The following TEX38 variants were observed in gnomAD, a reference collection of about 807,000 sequenced individuals.
TEX38 encodes testis expressed 38, also known as testis-expressed protein 38.
TEX38 carries 5 observed loss-of-function variants against 2.7 expected under a neutral mutation model. That is an observed-to-expected ratio of 1.86 (90% CI 0.97 to 3.90). The LOEUF (loss-of-function observed/expected upper bound fraction) is 3.90, where lower values mean the gene tolerates loss of function less well. Among genes scored for constraint, TEX38 ranks in the 30% most tolerant of loss-of-function variants. TEX38 has a pLI of 0.00. For missense variants in TEX38, 218 were observed against 247.9 expected, an observed-to-expected ratio of 0.88 and a Z score of 0.81; for synonymous variants, 110 against 103.3, an observed-to-expected ratio of 1.06 and a Z score of -0.39.
Position 46,671,953 on chromosome 1 carries a change from G to T in TEX38, c.19G>T (p.Asp7Tyr). MDSQQE[D>Y]LRFPGMWVSL... ...CAGCTGTATGGATTCCCAACAGGAG[G>T]ACCTGCGCTTCCCTGGGAGTAAGTG... Residue 7 changes from aspartate (D) to tyrosine (Y), a missense_variant, in exon 1 of 2, where the codon GAC becomes TAC. Transcript: ENST00000334122. 6.5e-7 allele frequency: 1 copy of T among 1,545,326 alleles called. No homozygotes were observed. The highest frequency in any genetic ancestry group is 8.7e-7 in the Non-Finnish European group (1 of 1,143,258).
At chr1:46,672,017 T>G in intron 1 of TEX38, 46 bp downstream of exon 1, 1 of 1,483,788 alleles carries the variant, frequency 6.7e-7, no homozygotes, top group Non-Finnish European at 9.0e-7. Context: ...GCCTTAGGGC[T>G]TGGGGACAAA....
In TEX38 at chr1:46,673,264, C is replaced by A. The variant is rs1038104626; in HGVS notation, c.429C>A (p.Ser143=). The A allele has an allele frequency of 1.7e-5, 26 of 1,551,426 alleles. No individual in the cohort carries two copies. The highest frequency in any genetic ancestry group is 2.7e-5 in the African/African-American group (2 of 73,054). Reference sequence around the variant, plus strand: ...CTCCACAGCAGCCCCAGGCCAGATCCCCATTCCCACTTCCCATCTTTCAGG... The same window carrying A: ...CTCCACAGCAGCCCCAGGCCAGATCACCATTCCCACTTCCCATCTTTCAGG... ...QLAPQQPQAR[S]PFPLPIFQEV... Residue 143 remains serine, a synonymous_variant, in exon 2 of 2, where the codon TCC becomes TCA. Coordinates refer to ENST00000334122, the MANE Select transcript of TEX38 (RefSeq NM_001145474.4).
Position 46,671,857 on chromosome 1 carries a change from T to A in TEX38, c.-78T>A. On this transcript the variant is annotated 5_prime_UTR_variant, in exon 1 of 2. An upstream start codon of the reference 5' UTR is lost. Coordinates refer to ENST00000334122, the MANE Select transcript of TEX38 (RefSeq NM_001145474.4). ...TGGAGACTCTGATTGGCTGGGCAGATGGGCTGACTGGCTGGGCAGATGGGT... is the reference window on the plus strand; with the variant it reads ...TGGAGACTCTGATTGGCTGGGCAGAAGGGCTGACTGGCTGGGCAGATGGGT... The A allele has an allele frequency of 6.9e-7, 1 of 1,452,412 alleles. No individual in the cohort carries two copies. The highest frequency in any genetic ancestry group is 1.4e-5 in the African/African-American group (1 of 71,202). 90.0% of individuals were successfully genotyped at this position (1,452,412 alleles called of 1,614,324 possible).
chr1:46,671,949 G>A lies in TEX38; in HGVS notation c.15G>A (p.Gln5=). Residue 5 remains glutamine, a synonymous_variant, in exon 1 of 2, where the codon CAG becomes CAA. Coordinates refer to ENST00000334122, the MANE Select transcript of TEX38 (RefSeq NM_001145474.4). MDSQ[Q]EDLRFPGMWV... ...AGCTCAGCTGTATGGATTCCCAACA[G>A]GAGGACCTGCGCTTCCCTGGGAGTA... 6.5e-7 allele frequency: 1 copy of A among 1,547,338 alleles called. No individual in the cohort carries two copies. Among genetic ancestry groups the A allele is most frequent in the South Asian group, 1.2e-5 (1 of 83,486 alleles).
At position 46,673,321 on chromosome 1, in the gene TEX38, A is replaced by G. The variant is rs1676626314; in HGVS notation, c.486A>G (p.Leu162=). Residue 162 remains leucine, a synonymous_variant, in exon 2 of 2, where the codon CTA becomes CTG. Transcript: ENST00000334122. The part of the protein sequence containing the change: ...EVPFAPPLCN[L]PPLLNHSVSY... ...CCTTTGCCCCACCCTTGTGCAACCT[A>G]CCCCCCCTGCTGAACCACTCTGTCT... is the stretch of plus-strand genomic sequence containing the variant. 10 of 1,549,988 alleles carry G rather than the reference A, an allele frequency of 6.5e-6. No individual in the cohort carries two copies. The East Asian group carries it at 2.4e-4, about 38-fold the overall frequency.
At position 46,673,138 on chromosome 1, in the gene TEX38, T is replaced by G. The variant is rs1217141371; in HGVS notation, c.303T>G (p.Val101=). ...AGACTGAGGTCCAGAATCCAGATGTTCTGTGGGATTTGGACATCCCCGAAG... is the reference window on the plus strand; with the variant it reads ...AGACTGAGGTCCAGAATCCAGATGTGCTGTGGGATTTGGACATCCCCGAAG... ...KTETEVQNPD[V]LWDLDIPEGR... The change falls in exon 2 of 2, where the codon GTT becomes GTG. Residue 101 remains valine, a synonymous_variant. Transcript: ENST00000334122. The G allele has an allele frequency of 6.4e-7, 1 of 1,551,568 alleles. No homozygotes were observed. Among genetic ancestry groups the G allele is most frequent in the African/African-American group, 1.4e-5 (1 of 73,048 alleles).
chr1:46,669,933 G>T (rs750921035), upstream of TEX38, among the ~76,000 whole-genome samples: 7 of 152,208 alleles, frequency 4.6e-5, no homozygotes, highest in Non-Finnish European at 1.0e-4. Flanking sequence ...AATGAGATCG[G>T]AAGTTACTAT....
upstream of TEX38, among the ~76,000 whole-genome samples, chr1:46,670,707 A>T (rs1321429995): frequency 2.0e-5 from 3 of 152,174 alleles, no homozygotes; most frequent in African/African-American, 7.2e-5. Context: ...GGGGCCAGTG[A>T]TATACGAGGA....
At chr1:46,670,986 T>C (rs1676573555), upstream of TEX38, among the ~76,000 whole-genome samples, 1 of 152,092 alleles carries the variant, frequency 6.6e-6, no homozygotes, top group Admixed American at 6.5e-5. Flanking sequence ...TTAGTTGCTG[T>C]GTGGGGAAAA....
chr1:46,669,048 C>G (rs1172882224), upstream of TEX38: 1 of 188,744 alleles, frequency 5.3e-6, no homozygotes, highest in Non-Finnish European at 1.1e-5. Context: ...CTTTTTGACC[C>G]CTGGAATCCT....
Position 46,673,029 on chromosome 1 carries a change from T to G in TEX38, c.194T>G (p.Leu65Trp), listed in dbSNP as rs747915007. Residue 65 changes from leucine (L) to tryptophan (W), a missense_variant, in exon 2 of 2, where the codon TTG becomes TGG. Coordinates refer to ENST00000334122, the MANE Select transcript of TEX38 (RefSeq NM_001145474.4). The part of the protein sequence containing the change: ...MRAATFTYSP[L>W]LYWINKRRRY... ...GCTGCCACATTCACCTACAGCCCATTGTTGTACTGGATTAACAAGCGACGG... is the reference window on the plus strand; with the variant it reads ...GCTGCCACATTCACCTACAGCCCATGGTTGTACTGGATTAACAAGCGACGG... The G allele has an allele frequency of 2.9e-5, 45 of 1,551,616 alleles. 1 individual carries two copies. The highest frequency in any genetic ancestry group is 3.9e-5 in the Non-Finnish European group (45 of 1,146,942).
In TEX38 at chr1:46,672,880, C is replaced by A. The variant is rs1366903180; in HGVS notation, c.45C>A (p.Val15=). 2 of 1,550,106 alleles carry A rather than the reference C, an allele frequency of 1.3e-6. No individual in the cohort carries two copies. Among genetic ancestry groups the A allele is most frequent in the Non-Finnish European group, 1.7e-6 (2 of 1,146,024 alleles). The change falls in exon 2 of 2, where the codon GTC becomes GTA. Residue 15 remains valine (V), a synonymous_variant. Transcript: ENST00000334122. Reference sequence around the variant, plus strand: ...TCTTTCTTGCTGCCTTAGTGTGGGTCTCATTGTACTTTGGAATCCTGGGGC... The same window carrying A: ...TCTTTCTTGCTGCCTTAGTGTGGGTATCATTGTACTTTGGAATCCTGGGGC... ...QEDLRFPGMW[V]SLYFGILGLC... is the part of the protein sequence containing the mutation.
chr1:46,673,263 C>T lies in TEX38; in HGVS notation c.428C>T (p.Ser143Phe), dbSNP rs139847766. The T allele has an allele frequency of 6.8e-3, 10,497 of 1,551,398 alleles. 96 individuals carry two copies. The highest frequency in any genetic ancestry group is 0.023 in the South Asian group (1,924 of 83,992). Reference sequence around the variant, plus strand: ...GCTCCACAGCAGCCCCAGGCCAGATCCCCATTCCCACTTCCCATCTTTCAG... The same window carrying T: ...GCTCCACAGCAGCCCCAGGCCAGATTCCCATTCCCACTTCCCATCTTTCAG... ...QLAPQQPQAR[S>F]PFPLPIFQEV... Residue 143 changes from serine to phenylalanine, a missense_variant, in exon 2 of 2, where the codon TCC (serine) becomes TTC (phenylalanine). Coordinates refer to ENST00000334122, the MANE Select transcript of TEX38 (RefSeq NM_001145474.4).
Position 46,672,948 on chromosome 1 carries a change from G to A in TEX38, c.113G>A (p.Trp38Ter), listed in dbSNP as rs926101133. The change falls in exon 2 of 2, where the codon TGG (tryptophan) becomes TAG (stop). Residue 38 changes from tryptophan to a stop codon, truncating the protein, a stop_gained. Coordinates refer to ENST00000334122, the MANE Select transcript of TEX38 (RefSeq NM_001145474.4). LOFTEE classifies it low-confidence loss of function (END_TRUNC). ...ITGGCIIFLH[W>*]RKNLRREEHA... ...GGAGGGTGCATTATCTTTCTGCACT[G>A]GAGGAAGAACTTGAGGCGGGAAGAG... 74 of 1,551,598 alleles carry A rather than the reference G, an allele frequency of 4.8e-5. No individual in the cohort carries two copies. Among genetic ancestry groups the A allele is most frequent in the Non-Finnish European group, 5.1e-5 (59 of 1,147,014 alleles).
rs1481268506 is a variant in TEX38, at chr1:46,673,051, A to G, written c.216A>G (p.Arg72=). ...YSPLLYWINK[R]RRYGMNAAIN... ...CATTGTTGTACTGGATTAACAAGCG[A>G]CGGCGCTACGGCATGAATGCAGCCA... Residue 72 remains arginine, a synonymous_variant, in exon 2 of 2, where the codon CGA becomes CGG. Transcript: ENST00000334122. 2 of 1,551,596 alleles carry G rather than the reference A, an allele frequency of 1.3e-6. No individual in the cohort carries two copies. Among genetic ancestry groups the G allele is most frequent in the Non-Finnish European group, 1.7e-6 (2 of 1,147,010 alleles).
In TEX38 at chr1:46,672,101, A is replaced by G. The variant is rs1676592343; in HGVS notation, c.37+130A>G. On this transcript the variant is annotated intron_variant, in intron 1 of 1. Transcript: ENST00000334122. ...GAGGAGAGCTAAGCAGTTAGGAGAT[A>G]GTCTACTCTAGAAAACTAAGAATTA... 4.7e-6 allele frequency: 4 copies of G among 854,370 alleles called. No homozygotes were observed. The East Asian group carries it at 1.1e-4, about 23-fold the overall frequency. 52.9% of individuals were successfully genotyped at this position (854,370 alleles called of 1,614,324 possible).
At chr1:46,670,864 T>G (rs995761976), upstream of TEX38, among the ~76,000 whole-genome samples, 4 of 152,162 alleles carry the variant, frequency 2.6e-5, no homozygotes, top group Admixed American at 6.5e-5. Context: ...GAAGGCTGAC[T>G]TAAGCTTAAT....
chr1:46,671,859 G>T lies in TEX38; in HGVS notation c.-76G>T. 2 of 1,464,936 alleles carry T rather than the reference G, an allele frequency of 1.4e-6. No individual in the cohort carries two copies. The highest frequency in any genetic ancestry group is 1.9e-6 in the Non-Finnish European group (2 of 1,068,116). The allele number at this position is 1,464,936 out of a possible 1,614,324, so 90.7% of individuals were successfully genotyped here. ...GAGACTCTGATTGGCTGGGCAGATG[G>T]GCTGACTGGCTGGGCAGATGGGTGG... On this transcript the variant is annotated 5_prime_UTR_variant, in exon 1 of 2. Coordinates refer to ENST00000334122, the MANE Select transcript of TEX38 (RefSeq NM_001145474.4).
Position 46,673,431 on chromosome 1 carries a change from C to T in TEX38, c.596C>T (p.Ala199Val), listed in dbSNP as rs1025806. ...NLAQEDHSFN[A>V]KPFPSEL ...GCCCAGGAAGACCATAGCTTCAATG[C>T]CAAGCCTTTTCCTTCAGAACTGTAG... The change falls in exon 2 of 2, where the codon GCC (alanine) becomes GTC (valine). Residue 199 changes from alanine (A) to valine (V), a missense_variant. Ala to Val is a moderately conservative substitution (Grantham distance 64). Coordinates refer to ENST00000334122, the MANE Select transcript of TEX38 (RefSeq NM_001145474.4). 401,835 of 1,550,544 alleles carry T rather than the reference C, an allele frequency of 0.26. 53,394 individuals carry two copies. The highest frequency in any genetic ancestry group is 0.35 in the East Asian group (14,430 of 40,904).
Sources: allele counts gnomAD v4.1 joint callset (sites outside exome capture counted in the v4.1 genomes callset), GRCh38; gene constraint gnomAD v4.1.1; transcripts MANE v1.5; gene names NCBI Gene and HGNC (gene_info 2026-07-23, HGNC 2026-07-21).